Variants in PSMD13 observed in about 807,000 individuals in gnomAD.
PSMD13 encodes 26S proteasome non-ATPase regulatory subunit 13.
PSMD13 carries 8 observed loss-of-function variants against 57.4 expected under a neutral mutation model. That is an observed-to-expected ratio of 0.14 (90% CI 0.08 to 0.25). The LOEUF (loss-of-function observed/expected upper bound fraction) is 0.25, where lower values mean the gene tolerates loss of function less well. PSMD13 is among the 10% of genes least tolerant of loss of function. The probability of loss-of-function intolerance (pLI) is 1.00; values close to 1 mark genes in which losing one functional copy is unlikely to be tolerated. For synonymous variants in PSMD13, 193 were observed against 168.2 expected, an observed-to-expected ratio of 1.15 and a Z score of -1.14; for missense variants, 400 against 461.5, an observed-to-expected ratio of 0.87 and a Z score of 1.22.
intron 1 of PSMD13, 113 bp from the exon 2 acceptor site, chr11:238,885 G>T (rs984797968): frequency 2.9e-6 from 3 of 1,048,328 alleles, no homozygotes; most frequent in Non-Finnish European, 4.4e-6. Context: ...GAGTTTTGGA[G>T]TTTTGGATTA....
chr11:239,039 A>C lies in PSMD13; in HGVS notation c.137A>C (p.Gln46Pro). ...ACACTTCAGGTGCTTGATTTTGTGC[A>C]GGATCCGTGCTTTGCCCAAGGAGAT... ...QLTLQVLDFV[Q>P]DPCFAQGDGL... Residue 46 changes from glutamine (Q) to proline (P), a missense_variant, in exon 2 of 13, where the codon CAG becomes CCG. By Grantham distance (76) the Gln-to-Pro change is moderately conservative. Transcript: ENST00000532097. 6.2e-7 allele frequency: 1 copy of C among 1,614,190 alleles called. No individual in the cohort carries two copies. The highest frequency in any genetic ancestry group is 8.5e-7 in the Non-Finnish European group (1 of 1,180,028).
At position 248,767 on chromosome 11, in the gene PSMD13, C is replaced by G; in HGVS notation, c.569-9C>G. ...CTGGATTGTAAGTGGGCCTGTGTTG[C>G]TACCATAGTGTCTGAGCAGCAGGAG... On this transcript the variant is annotated splice_polypyrimidine_tract_variant and intron_variant, in intron 7 of 12. Coordinates refer to ENST00000532097, the MANE Select transcript of PSMD13 (RefSeq NM_002817.4). 6.2e-7 allele frequency: 1 copy of G among 1,613,856 alleles called. No individual in the cohort carries two copies.
rs142899275 is a variant in PSMD13, at chr11:239,923, G to A, written c.174+847G>A. 1.4e-3 allele frequency among the ~76,000 whole-genome samples: 215 copies of A among 151,854 alleles called. 2 individuals are homozygous for A. Among genetic ancestry groups the A allele is most frequent in the African/African-American group, 5.0e-3 (208 of 41,426 alleles). Reference sequence around the variant, plus strand: ...CTGAATACATTACTTTTATATGCTCGCAATAGAGCTTACCACCTTGCTACC... The same window carrying A: ...CTGAATACATTACTTTTATATGCTCACAATAGAGCTTACCACCTTGCTACC... On this transcript the variant is annotated intron_variant, in intron 2 of 12. Coordinates refer to ENST00000532097, the MANE Select transcript of PSMD13 (RefSeq NM_002817.4).
At position 236,998 on chromosome 11, in the gene PSMD13, C is replaced by T. The variant is rs1809406827; in HGVS notation, c.-52C>T. ...AGTGAGCATTTCCGGCAGCCATCCC[C>T]GCGGTGCTGACATCCCGGTTGTTCT... is the stretch of plus-strand genomic sequence containing the variant. On this transcript the variant is annotated 5_prime_UTR_variant, in exon 1 of 13. Transcript: ENST00000532097. The T allele has an allele frequency of 2.7e-6, 4 of 1,476,298 alleles. No individual in the cohort carries two copies. Among genetic ancestry groups the T allele is most frequent in the African/African-American group, 1.4e-5 (1 of 71,908 alleles). 91.4% of individuals were successfully genotyped at this position (1,476,298 alleles called of 1,614,324 possible).
At position 252,034 on chromosome 11, in the gene PSMD13, A is replaced by G. The variant is rs2133994015; in HGVS notation, c.1035+98A>G. On this transcript the variant is annotated intron_variant, in intron 12 of 12. Transcript: ENST00000532097. This position sits in a 1 kb window ranked among gnomAD's most constrained non-coding sequence, Gnocchi z 4.1. ...TTGGATGGAAGCCATTTGGGAAGAC[A>G]GCATTATTAGACAAGAGGTTTTGGA... 1 of 1,124,414 alleles carries G rather than the reference A, an allele frequency of 8.9e-7. No homozygotes were observed. The highest frequency in any genetic ancestry group is 2.1e-5 in the Admixed American group (1 of 47,322). 69.7% of individuals were successfully genotyped at this position (1,124,414 alleles called of 1,614,324 possible). A position where few individuals can be genotyped will look rare whatever the true frequency, so the allele number is the denominator to read the frequency against.
At chr11:244,938 C>CTTTTTTTT (rs35323262) in intron 6 of PSMD13, among the ~76,000 whole-genome samples, 177 bp downstream of exon 6, 1 of 139,090 alleles carries the variant, frequency 7.2e-6, no homozygotes, top group African/African-American at 2.7e-5. Context: ...CATTGCAAAC[C>CTTTTTTTT]TTTTTTTTTT....
intron 2 of PSMD13, chr11:243,162 G>GT (rs2133985685): frequency 2.3e-5 from 14 of 619,100 alleles, no homozygotes; most frequent in East Asian, 6.3e-5. Flanking sequence ...ACCACCTCCT[G>GT]TTTTTTTGTG....
At chr11:249,549 G>T (rs944692372) in intron 9 of PSMD13, among the ~76,000 whole-genome samples, 1 of 136,290 alleles carries the variant, frequency 7.3e-6, no homozygotes, top group Non-Finnish European at 1.6e-5. Context: ...GTGCAGGGAG[G>T]GGGAGAGCGG....
At position 252,708 on chromosome 11, in the gene PSMD13, G is replaced by T; in HGVS notation, c.*108G>T. The T allele has an allele frequency of 1.9e-6, 2 of 1,028,010 alleles. No individual in the cohort carries two copies. Among genetic ancestry groups the T allele is most frequent in the Non-Finnish European group, 3.0e-6 (2 of 672,790 alleles). The allele number at this position is 1,028,010 out of a possible 1,614,324, so 63.7% of individuals were successfully genotyped here. On this transcript the variant is annotated 3_prime_UTR_variant, in exon 13 of 13. Transcript: ENST00000532097. The surrounding 1 kb of genome is among the most constrained non-coding windows in gnomAD (Gnocchi z 4.1). ...CGACATTGAATTTGGGTGGGGGTTG[G>T]GATCCTGTCTGAAGTACAGACTGTT...
At chr11:246,021 G>C (rs1859640894) in intron 6 of PSMD13, among the ~76,000 whole-genome samples, 2 of 152,100 alleles carry the variant, frequency 1.3e-5, no homozygotes, top group African/African-American at 2.4e-5. Flanking sequence ...TTCTCCCCCA[G>C]CCAGGCTCCC....
Position 239,061 on chromosome 11 carries a change from A to C in PSMD13, c.159A>C (p.Gly53=), listed in dbSNP as rs1413241702. The C allele has an allele frequency of 1.2e-5, 19 of 1,613,780 alleles. No individual in the cohort carries two copies. Among genetic ancestry groups the C allele is most frequent in the African/African-American group, 4.0e-5 (3 of 74,892 alleles). ...DFVQDPCFAQ[G]DGLIKLYENF... is the part of the protein sequence containing the mutation. ...TGCAGGATCCGTGCTTTGCCCAAGGAGATGGTCTCATTAAGGTAAATAATT... is the reference window on the plus strand; with the variant it reads ...TGCAGGATCCGTGCTTTGCCCAAGGCGATGGTCTCATTAAGGTAAATAATT... The change falls in exon 2 of 13, where the codon GGA becomes GGC. Residue 53 remains glycine (G), a synonymous_variant. Transcript: ENST00000532097.
At position 250,846 on chromosome 11, in the gene PSMD13, A is replaced by G; in HGVS notation, c.818A>G (p.Gln273Arg). The G allele has an allele frequency of 6.2e-7, 1 of 1,613,980 alleles. No homozygotes were observed. The highest frequency in any genetic ancestry group is 2.2e-5 in the East Asian group (1 of 44,880). ...GAAGCCCAGCTTCTGAGGAAAATTC[A>G]GTTGTTGTGCCTCATGGAGGTAAGC... Reference protein sequence around the residue: ...ANEAQLLRKIQLLCLMEMTFT... With the variant: ...ANEAQLLRKIRLLCLMEMTFT... The change falls in exon 10 of 13, where the codon CAG becomes CGG. Residue 273 changes from glutamine to arginine, a missense_variant. Gln to Arg is a conservative substitution (Grantham distance 43). Coordinates refer to ENST00000532097, the MANE Select transcript of PSMD13 (RefSeq NM_002817.4).
At chr11:245,702 T>TTGTGTGTGTTTGTG (rs111972919) in intron 6 of PSMD13, among the ~76,000 whole-genome samples, 1 of 31,658 alleles carries the variant, frequency 3.2e-5, no homozygotes, top group Admixed American at 3.2e-4. Context: ...GTTCGTGTGT[T>TTGTGTGTGTTTGTG]TGTGTGTGTT....
chr11:240,100 G>GTTTTTTTT (rs1564820130), intron 2 of PSMD13, among the ~76,000 whole-genome samples: 3 of 44,482 alleles, frequency 6.7e-5, no homozygotes, highest in East Asian at 1.7e-3. Flanking sequence ...AATGAGACCT[G>GTTTTTTTT]CTTTTTTTTT....
chr11:245,175 T>G (rs562223209), intron 6 of PSMD13, among the ~76,000 whole-genome samples: 54 of 152,292 alleles, frequency 3.5e-4, no homozygotes, highest in African/African-American at 1.3e-3. Context: ...ACTCCTGACC[T>G]CAAGTGATCC....
chr11:241,253 C>T (rs967788822), intron 2 of PSMD13, among the ~76,000 whole-genome samples: 2 of 152,188 alleles, frequency 1.3e-5, no homozygotes, highest in African/African-American at 4.8e-5. Flanking sequence ...ATTCTCATGC[C>T]TCAGCCTCCC....
chr11:251,840 G>A lies in PSMD13; in HGVS notation c.939G>A (p.Lys313=). 1 of 1,614,172 alleles carries A rather than the reference G, an allele frequency of 6.2e-7. No individual in the cohort carries two copies. The highest frequency in any genetic ancestry group is 8.5e-7 in the Non-Finnish European group (1 of 1,180,002). ...TVNEVELLVM[K]ALSVGLVKGS... ...CACAGGTGGAGCTTCTGGTGATGAAGGCCCTTTCGGTGGGGCTGGTGAAAG... is the reference window on the plus strand; with the variant it reads ...CACAGGTGGAGCTTCTGGTGATGAAAGCCCTTTCGGTGGGGCTGGTGAAAG... Residue 313 remains lysine, a synonymous_variant, in exon 12 of 13, where the codon AAG becomes AAA. Coordinates refer to ENST00000532097, the MANE Select transcript of PSMD13 (RefSeq NM_002817.4). This position sits in a 1 kb window ranked among gnomAD's most constrained non-coding sequence, Gnocchi z 4.6.
intron 2 of PSMD13, 149 bp downstream of exon 2, chr11:239,225 T>G: frequency 6.7e-6 from 5 of 746,656 alleles, no homozygotes; most frequent in Non-Finnish European, 1.2e-5. Flanking sequence ...TCACATATCC[T>G]TCATGACAAC....
intron 6 of PSMD13, among the ~76,000 whole-genome samples, chr11:246,974 G>A (rs1006892924): frequency 6.6e-6 from 1 of 152,168 alleles, no homozygotes; most frequent in Non-Finnish European, 1.5e-5. Flanking sequence ...TTCCCAGTCT[G>A]TAGCTTGTCT....
Sources: gnomAD v4.1 joint callset for allele counts (sites outside exome capture counted in the v4.1 genomes callset) on GRCh38, gnomAD v4.1.1 for gene constraint, Gnocchi (gnomAD v3.1) non-coding constraint, MANE v1.5 for transcripts, NCBI Gene and HGNC (gene_info 2026-07-23, HGNC 2026-07-21) for gene names.